Variants in CYB5D1 observed in about 807,000 individuals in gnomAD.
CYB5D1 encodes cytochrome b5 domain containing 1.
Under a neutral mutation model 24.3 loss-of-function variants are expected in CYB5D1, and 30 were observed. That is an observed-to-expected ratio of 1.23 (90% confidence interval 0.92 to 1.67). CYB5D1 has a LOEUF of 1.67. Ranked by LOEUF, CYB5D1 falls within the 40% of genes most tolerant of loss-of-function variation. CYB5D1 has a pLI of 0.00. For synonymous variants in CYB5D1, 128 were observed against 123.2 expected (o/e 1.04, Z -0.26); for missense variants, 265 against 296.7 (o/e 0.89, Z 0.79).
rs1191388078 is a variant in CYB5D1, at chr17:7,858,224, G to T, written c.90G>T (p.Arg30Ser). Residue 30 changes from arginine to serine, a missense_variant, in exon 1 of 4, where the codon AGG becomes AGT. By Grantham distance (110) the Arg-to-Ser change is moderately radical. Transcript: ENST00000332439. ...CGGCGGAGGTGGCCCAACATAACAGGCCCGAAGACCTCTGGGTATCTTACC... is the reference window on the plus strand; with the variant it reads ...CGGCGGAGGTGGCCCAACATAACAGTCCCGAAGACCTCTGGGTATCTTACC... ...FTPAEVAQHN[R>S]PEDLWVSYLG... 3 of 1,613,886 alleles carry T rather than the reference G, an allele frequency of 1.9e-6. No homozygotes were observed. Among genetic ancestry groups the T allele is most frequent in the African/African-American group, 2.7e-5 (2 of 74,924 alleles).
In CYB5D1 at chr17:7,859,164, T is replaced by C. The variant is rs2078862654; in HGVS notation, c.457-218T>C. Reference sequence around the variant, plus strand: ...TTGCATGGATATAGTGAGGGGACAGTTGACCCTTTATGGCCATCCGGTAGT... The same window carrying C: ...TTGCATGGATATAGTGAGGGGACAGCTGACCCTTTATGGCCATCCGGTAGT... On this transcript the variant is annotated intron_variant, in intron 3 of 3. Coordinates refer to ENST00000332439, the MANE Select transcript of CYB5D1 (RefSeq NM_144607.6). 3 of 601,570 alleles carry C rather than the reference T, an allele frequency of 5.0e-6. No individual in the cohort carries two copies. In the East Asian group the frequency reaches 8.3e-5, roughly 17 times the overall value. The allele number at this position is 601,570 out of a possible 1,614,324, so 37.3% of individuals were successfully genotyped here.
chr17:7,858,005 T>C lies in CYB5D1; in HGVS notation c.-130T>C, dbSNP rs894023021. 2.0e-6 allele frequency: 3 copies of C among 1,516,684 alleles called. No homozygotes were observed. The highest frequency in any genetic ancestry group is 2.8e-5 in the African/African-American group (2 of 72,214). 94.0% of individuals were successfully genotyped at this position (1,516,684 alleles called of 1,614,324 possible). On this transcript the variant is annotated 5_prime_UTR_variant, in exon 1 of 4. It removes an upstream start codon present in the reference 5' UTR. Coordinates refer to ENST00000332439, the MANE Select transcript of CYB5D1 (RefSeq NM_144607.6). ...GTGGACGGTGGCCGGAAAAGGACAATGGTTTCCATGTCAGCGGATAAACGC... is the reference window on the plus strand; with the variant it reads ...GTGGACGGTGGCCGGAAAAGGACAACGGTTTCCATGTCAGCGGATAAACGC...
chr17:7,859,652 C>T lies in CYB5D1; in HGVS notation c.*40C>T, dbSNP rs371586358. Reference sequence around the variant, plus strand: ...ACTCGTGTAGACTCAAGACGTATTTCGAGTTTGGCTTTTTCTGTGCCTTGA... The same window carrying T: ...ACTCGTGTAGACTCAAGACGTATTTTGAGTTTGGCTTTTTCTGTGCCTTGA... On this transcript the variant is annotated 3_prime_UTR_variant, in exon 4 of 4. Transcript: ENST00000332439. The T allele has an allele frequency of 6.3e-6, 10 of 1,597,272 alleles. No individual in the cohort carries two copies. The highest frequency in any genetic ancestry group is 1.7e-4 in the Middle Eastern group (1 of 6,032).
Position 7,859,735 on chromosome 17 carries a change from C to T in CYB5D1, c.*123C>T. The T allele has an allele frequency of 1.3e-6, 1 of 798,698 alleles. No homozygotes were observed. Among genetic ancestry groups the T allele is most frequent in the East Asian group, 2.5e-5 (1 of 40,046 alleles). The allele number at this position is 798,698 out of a possible 1,614,324, so 49.5% of individuals were successfully genotyped here. ...CCAGATCTCCACTCCTCTCCAGGAG[C>T]TAGCCTGTGCCCTTCTGAAGTGTAA... On this transcript the variant is annotated 3_prime_UTR_variant, in exon 4 of 4. Coordinates refer to ENST00000332439, the MANE Select transcript of CYB5D1 (RefSeq NM_144607.6).
intron 1 of CYB5D1, 24 bp downstream of exon 1, chr17:7,858,318 G>A: frequency 1.2e-6 from 2 of 1,613,922 alleles, no homozygotes; most frequent in Non-Finnish European, 1.7e-6. Flanking sequence ...GTTGGGCCGG[G>A]GCCGGAGTGT....
intron 3 of CYB5D1, 163 bp downstream of exon 3, chr17:7,858,987 T>G (rs768726478): frequency 1.8e-4 from 117 of 646,170 alleles, no homozygotes; most frequent in Middle Eastern, 4.0e-4. Flanking sequence ...TCCCCAGGGT[T>G]GGGAATTCTA....
chr17:7,859,430 T>C lies in CYB5D1; in HGVS notation c.505T>C (p.Tyr169His). The C allele has an allele frequency of 6.2e-7, 1 of 1,614,138 alleles. No homozygotes were observed. Among genetic ancestry groups the C allele is most frequent in the Non-Finnish European group, 8.5e-7 (1 of 1,180,028 alleles). ...IWEILHRYLPYNSHAASYTWK... is the reference protein window; with the variant it reads ...IWEILHRYLPHNSHAASYTWK... ...GGAAATCCTACACCGCTATCTCCCC[T>C]ATAACTCACATGCTGCCAGCTACAC... Residue 169 changes from tyrosine (Y) to histidine (H), a missense_variant, in exon 4 of 4, where the codon TAT becomes CAT. Coordinates refer to ENST00000332439, the MANE Select transcript of CYB5D1 (RefSeq NM_144607.6).
At position 7,858,450 on chromosome 17, in the gene CYB5D1, A is replaced by G. The variant is rs1168130683; in HGVS notation, c.208A>G (p.Ser70Gly). ...CGTGGAAGTTGCAGGCCAGGATATC[A>G]GCCACTGGTTTGATCCAAAGACCAG... ...PIVEVAGQDI[S>G]HWFDPKTRDI... The change falls in exon 2 of 4, where the codon AGC becomes GGC. Residue 70 changes from serine (S) to glycine (G), a missense_variant. Transcript: ENST00000332439. The G allele has an allele frequency of 3.1e-6, 5 of 1,614,106 alleles. No homozygotes were observed. Among genetic ancestry groups the G allele is most frequent in the Non-Finnish European group, 4.2e-6 (5 of 1,180,044 alleles).
At position 7,859,728 on chromosome 17, in the gene CYB5D1, C is replaced by A; in HGVS notation, c.*116C>A. On this transcript the variant is annotated 3_prime_UTR_variant, in exon 4 of 4. Transcript: ENST00000332439. ...CCTGGACCCAGATCTCCACTCCTCTCCAGGAGCTAGCCTGTGCCCTTCTGA... is the reference window on the plus strand; with the variant it reads ...CCTGGACCCAGATCTCCACTCCTCTACAGGAGCTAGCCTGTGCCCTTCTGA... 1.2e-6 allele frequency: 1 copy of A among 859,564 alleles called. No individual in the cohort carries two copies. The highest frequency in any genetic ancestry group is 1.9e-6 in the Non-Finnish European group (1 of 527,474). 53.2% of individuals were successfully genotyped at this position (859,564 alleles called of 1,614,324 possible). A position where few individuals can be genotyped will look rare whatever the true frequency, so the allele number is the denominator to read the frequency against.
rs1197588602 is a variant in CYB5D1 at position 7,858,014 on chromosome 17, T to C, written c.-121T>C. ...GGCCGGAAAAGGACAATGGTTTCCA[T>C]GTCAGCGGATAAACGCTCTCCCCTC... On this transcript the variant is annotated 5_prime_UTR_variant, in exon 1 of 4. It removes an upstream start codon present in the reference 5' UTR. Coordinates refer to ENST00000332439, the MANE Select transcript of CYB5D1 (RefSeq NM_144607.6). The C allele has an allele frequency of 7.2e-6, 11 of 1,526,124 alleles. No homozygotes were observed. Among genetic ancestry groups the C allele is most frequent in the African/African-American group, 4.1e-5 (3 of 72,672 alleles). The allele number at this position is 1,526,124 out of a possible 1,614,324, so 94.5% of individuals were successfully genotyped here.
rs373826685 is a variant in CYB5D1 at position 7,859,564 on chromosome 17, C to G, written c.639C>G (p.His213Gln). The change falls in exon 4 of 4, where the codon CAC (histidine) becomes CAG (glutamine). Residue 213 changes from histidine (H) to glutamine (Q), a missense_variant. Physicochemically the swap from His to Gln is conservative, Grantham distance 24. Transcript: ENST00000332439. ...ATCTCAGTATGGACGGTACACTTCA[C>G]ACACCTGCAATACTTCTGTACTTCA... is the stretch of plus-strand genomic sequence containing the variant. ...FDYLSMDGTLHTPAILLYFND... is the reference protein window; with the variant it reads ...FDYLSMDGTLQTPAILLYFND... 6.2e-7 allele frequency: 1 copy of G among 1,614,060 alleles called. No homozygotes were observed. Among genetic ancestry groups the G allele is most frequent in the African/African-American group, 1.3e-5 (1 of 74,936 alleles).
At position 7,858,586 on chromosome 17, in the gene CYB5D1, C is replaced by T; in HGVS notation, c.238-20C>T. 6.2e-7 allele frequency: 1 copy of T among 1,607,606 alleles called. No individual in the cohort carries two copies. The highest frequency in any genetic ancestry group is 8.5e-7 in the Non-Finnish European group (1 of 1,175,242). ...CCTAATGGCTGCTCTGACACCCTCG[C>T]CCCAAACCCTCCTTTAAAGATCCGC... On this transcript the variant is annotated intron_variant, in intron 2 of 3. Coordinates refer to ENST00000332439, the MANE Select transcript of CYB5D1 (RefSeq NM_144607.6).
In CYB5D1 at chr17:7,859,483, C is replaced by T. The variant is rs760060557; in HGVS notation, c.558C>T (p.Asn186=). 14 of 1,614,138 alleles carry T rather than the reference C, an allele frequency of 8.7e-6. No homozygotes were observed. In the East Asian group the frequency reaches 2.9e-4, roughly 33 times the overall value. The change falls in exon 4 of 4, where the codon AAC becomes AAT. Residue 186 remains asparagine, a synonymous_variant. Transcript: ENST00000332439. The part of the protein sequence containing the change: ...YTWKYEGKNL[N]MDFTLEENGI... ...GGAAATATGAAGGGAAGAACCTGAA[C>T]ATGGATTTTACCCTGGAAGAGAATG...
rs1017990778 is a variant in CYB5D1 at position 7,860,763 on chromosome 17, G to A, written c.*1151G>A. 1 of 152,204 alleles carries A rather than the reference G, an allele frequency of 6.6e-6. No homozygotes were observed. The highest frequency in any genetic ancestry group is 1.5e-5 in the Non-Finnish European group (1 of 68,062). 9.4% of individuals were successfully genotyped at this position (152,204 alleles called of 1,614,324 possible). ...CAGAGTTCTCCTGTGGCGAAGAGGA[G>A]GCAAGGAAGGCTAAGTGTCAGTTAA... On this transcript the variant is annotated 3_prime_UTR_variant, in exon 4 of 4. Coordinates refer to ENST00000332439, the MANE Select transcript of CYB5D1 (RefSeq NM_144607.6).
rs2078861911 is a variant in CYB5D1 at position 7,859,097 on chromosome 17, C to T, written c.456+273C>T. 3 of 569,116 alleles carry T rather than the reference C, an allele frequency of 5.3e-6. No individual in the cohort carries two copies. In the South Asian group the frequency reaches 6.9e-5, roughly 13 times the overall value. 35.3% of individuals were successfully genotyped at this position (569,116 alleles called of 1,614,324 possible). A position where few individuals can be genotyped will look rare whatever the true frequency, so the allele number is the denominator to read the frequency against. On this transcript the variant is annotated intron_variant, in intron 3 of 3. Coordinates refer to ENST00000332439, the MANE Select transcript of CYB5D1 (RefSeq NM_144607.6). ...GGTGGTCCTTCGAAGCTCTTACACG[C>T]CGTTTTGGACAGCAATTGGACTTTC...
rs778779393 is a variant in CYB5D1, at chr17:7,858,826, T to C, written c.456+2T>C. ...ACGTCGCAGGAGCACACACTGGAGG[T>C]GAGAACTGGTGACAAGGAGCAGGTT... On this transcript the variant is annotated splice_donor_variant, in intron 3 of 3. Coordinates refer to ENST00000332439, the MANE Select transcript of CYB5D1 (RefSeq NM_144607.6). LOFTEE classifies it high-confidence loss of function. The C allele has an allele frequency of 2.0e-6, 3 of 1,527,446 alleles. No individual in the cohort carries two copies. The highest frequency in any genetic ancestry group is 2.6e-6 in the Non-Finnish European group (3 of 1,137,162). The allele number at this position is 1,527,446 out of a possible 1,614,324, so 94.6% of individuals were successfully genotyped here.
chr17:7,858,103 C>T lies in CYB5D1; in HGVS notation c.-32C>T, dbSNP rs1314443832. 6.2e-7 allele frequency: 1 copy of T among 1,611,528 alleles called. No individual in the cohort carries two copies. The highest frequency in any genetic ancestry group is 1.1e-5 in the South Asian group (1 of 90,954). On this transcript the variant is annotated 5_prime_UTR_variant, in exon 1 of 4. Transcript: ENST00000332439. ...ACGTGCTGAGGAGCAAAGGAGTAAC[C>T]AAGAGATCCAGTGACCGACAGAGCA...
rs2078869165 is a variant in CYB5D1, at chr17:7,859,739, C to T, written c.*127C>T. 1.5e-5 allele frequency: 12 copies of T among 783,602 alleles called. No homozygotes were observed. In the South Asian group the frequency reaches 1.9e-4, roughly 13 times the overall value. The allele number at this position is 783,602 out of a possible 1,614,324, so 48.5% of individuals were successfully genotyped here. ...ATCTCCACTCCTCTCCAGGAGCTAG[C>T]CTGTGCCCTTCTGAAGTGTAAAGGC... On this transcript the variant is annotated 3_prime_UTR_variant, in exon 4 of 4. Coordinates refer to ENST00000332439, the MANE Select transcript of CYB5D1 (RefSeq NM_144607.6).
Position 7,860,113 on chromosome 17 carries a change from G to A in CYB5D1, c.*501G>A, listed in dbSNP as rs1295566590. 5.8e-6 allele frequency: 1 copy of A among 172,196 alleles called. No individual in the cohort carries two copies. The highest frequency in any genetic ancestry group is 1.3e-5 in the Non-Finnish European group (1 of 79,804). The allele number at this position is 172,196 out of a possible 1,614,324, so 10.7% of individuals were successfully genotyped here. A position where few individuals can be genotyped will look rare whatever the true frequency, so the allele number is the denominator to read the frequency against. ...GAAGTGCGTCATTATAGGCAATTCA[G>A]GCTAGATATTATACTAGGTACTTCA... On this transcript the variant is annotated 3_prime_UTR_variant, in exon 4 of 4. Transcript: ENST00000332439.
Sources: allele counts gnomAD v4.1 joint callset, GRCh38; gene constraint gnomAD v4.1.1; transcripts MANE v1.5; gene names NCBI Gene and HGNC (gene_info 2026-07-23, HGNC 2026-07-21).